FNBP1L: variants seen among roughly 807,000 people sequenced by gnomAD.
FNBP1L encodes formin-binding protein 1-like.
A neutral mutation model predicts 91.2 loss-of-function variants in FNBP1L; 36 were observed. The ratio of observed to expected loss-of-function variants is 0.39; its 90% CI spans 0.30 to 0.52. The LOEUF (loss-of-function observed/expected upper bound fraction) is 0.52, where lower values mean the gene tolerates loss of function less well. Among genes scored for constraint, FNBP1L ranks in the 20% least tolerant of loss-of-function variants. The pLI is 0.66. For synonymous variants in FNBP1L, 242 were observed against 237.0 expected (o/e 1.02, Z -0.19); for missense variants, 571 against 732.1 (o/e 0.78, Z 2.54).
At chr1:93,513,416 T>C (rs1670937472) in intron 2 of FNBP1L, among the ~76,000 whole-genome samples, 1 of 152,020 alleles carries the variant, frequency 6.6e-6, no homozygotes, top group South Asian at 2.1e-4. Context: ...CTAACTCATT[T>C]TATGAGGCCA....
At chr1:93,505,948 A>T in intron 2 of FNBP1L, among the ~76,000 whole-genome samples, 1 of 152,148 alleles carries the variant, frequency 6.6e-6, no homozygotes, top group Non-Finnish European at 1.5e-5. Context: ...AAGTGCTGGG[A>T]TTACAGGCGT....
chr1:93,529,768 TCCAAA>T lies in FNBP1L; in HGVS notation c.510+17_510+21del, dbSNP rs1409071227. On this transcript the variant is annotated intron_variant, in intron 6 of 16. Coordinates refer to ENST00000271234, the MANE Select transcript of FNBP1L (RefSeq NM_001164473.3). ...CAGATGTTGAAAAGGTAAGAAATAC[TCCAAA>T]CCAACTTTAATGTCAAAATATTATT... The T allele has an allele frequency of 3.2e-5, 45 of 1,406,100 alleles. No homozygotes were observed. The highest frequency in any genetic ancestry group is 5.4e-5 in the Admixed American group (2 of 37,074). 87.1% of individuals were successfully genotyped at this position (1,406,100 alleles called of 1,614,324 possible).
chr1:93,459,376 T>A (rs1668783387), intron 1 of FNBP1L, among the ~76,000 whole-genome samples: 1 of 152,030 alleles, frequency 6.6e-6, no homozygotes, highest in Non-Finnish European at 1.5e-5. Context: ...CTCAGACAAC[T>A]CTAGCAAGAA....
At chr1:93,541,279 G>T (rs898488898) in intron 11 of FNBP1L, among the ~76,000 whole-genome samples, 1 of 152,274 alleles carries the variant, frequency 6.6e-6, no homozygotes, top group Non-Finnish European at 1.5e-5. Context: ...AAATGTCATT[G>T]AATGGAGTCC....
chr1:93,545,396 A>AT (rs901887215), intron 12 of FNBP1L, among the ~76,000 whole-genome samples: 1 of 152,130 alleles, frequency 6.6e-6, no homozygotes, highest in Non-Finnish European at 1.5e-5. Context: ...ATTTTCCCAG[A>AT]TATCTCCATG....
At chr1:93,538,421 C>T (rs952463368) in intron 10 of FNBP1L, among the ~76,000 whole-genome samples, 1 of 151,730 alleles carries the variant, frequency 6.6e-6, no homozygotes, top group Non-Finnish European at 1.5e-5. Context: ...GCTGAAATCC[C>T]CTCCCAGATT....
chr1:93,472,531 G>A (rs527887077), intron 1 of FNBP1L, among the ~76,000 whole-genome samples: 6 of 151,740 alleles, frequency 4.0e-5, no homozygotes, highest in East Asian at 3.9e-4. Context: ...AAAAATCCTC[G>A]GCCGGGCGTG....
intron 2 of FNBP1L, among the ~76,000 whole-genome samples, chr1:93,502,899 A>T (rs1327394401): frequency 1.3e-5 from 2 of 152,208 alleles, no homozygotes; most frequent in African/African-American, 4.8e-5. Context: ...TTGGATGACT[A>T]CTTAGTAAAT....
intron 6 of FNBP1L, among the ~76,000 whole-genome samples, chr1:93,530,260 A>C (rs996337255): frequency 2.6e-5 from 4 of 152,168 alleles, no homozygotes; most frequent in African/African-American, 9.6e-5. Flanking sequence ...TGCATTATTC[A>C]ACAATCATAT....
chr1:93,483,864 G>C (rs1042076462), intron 1 of FNBP1L, among the ~76,000 whole-genome samples: 2 of 152,110 alleles, frequency 1.3e-5, no homozygotes, highest in Non-Finnish European at 2.9e-5. Context: ...TCAACACAAG[G>C]GAACAAAGCT....
intron 6 of FNBP1L, among the ~76,000 whole-genome samples, chr1:93,530,393 T>C (rs1671634115): frequency 6.6e-6 from 1 of 152,156 alleles, no homozygotes. Context: ...TGTTTTTCTC[T>C]TCTGATTAAA....
At chr1:93,453,886 A>G (rs1179793169) in intron 1 of FNBP1L, among the ~76,000 whole-genome samples, 1 of 152,238 alleles carries the variant, frequency 6.6e-6, no homozygotes, top group Non-Finnish European at 1.5e-5. Context: ...ATACTAAAAG[A>G]ATCAATTAGA....
chr1:93,504,240 C>G (rs187994207), intron 2 of FNBP1L, among the ~76,000 whole-genome samples: 2 of 152,282 alleles, frequency 1.3e-5, no homozygotes, highest in Admixed American at 6.5e-5. Context: ...TAGCAGCTTT[C>G]TATTAATACT....
At chr1:93,467,441 T>A (rs1044204934) in intron 1 of FNBP1L, among the ~76,000 whole-genome samples, 2 of 152,026 alleles carry the variant, frequency 1.3e-5, no homozygotes, top group South Asian at 4.2e-4. Context: ...TAGTCAAAAT[T>A]GGAAAGAAGG....
chr1:93,504,915 G>A (rs541811239), intron 2 of FNBP1L, among the ~76,000 whole-genome samples: 234 of 152,050 alleles, frequency 1.5e-3, no homozygotes, highest in African/African-American at 5.5e-3. Context: ...GTCCTTCTAT[G>A]CATTGAAGTT....
intron 15 of FNBP1L, 26 bp downstream of exon 15, chr1:93,549,452 T>C: frequency 1.3e-6 from 2 of 1,506,440 alleles, no homozygotes; most frequent in Middle Eastern, 1.8e-4. Flanking sequence ...TAATATTGTA[T>C]GTAAAAAAAT....
rs144778400 is a variant in FNBP1L at position 93,529,583 on chromosome 1, A to G, written c.406-69A>G. ...TTAGTTATTTCTCCTAATGCTCTCT[A>G]AAGTTATTTCTTAAATGAAGTTAGC... On this transcript the variant is annotated intron_variant, in intron 5 of 16. Transcript: ENST00000271234. 587 of 972,460 alleles carry G rather than the reference A, an allele frequency of 6.0e-4. No individual in the cohort carries two copies. The African/African-American group carries it at 9.0e-3, about 15-fold the overall frequency. The allele number at this position is 972,460 out of a possible 1,614,324, so 60.2% of individuals were successfully genotyped here. A position where few individuals can be genotyped will look rare whatever the true frequency, so the allele number is the denominator to read the frequency against.
intron 1 of FNBP1L, among the ~76,000 whole-genome samples, chr1:93,486,592 A>G (rs1002167875): frequency 2.0e-5 from 3 of 152,214 alleles, no homozygotes; most frequent in Admixed American, 2.0e-4. Flanking sequence ...GGTAACTGAT[A>G]ATAATAATTC....
chr1:93,448,567 C>G (rs1210323644), intron 1 of FNBP1L, among the ~76,000 whole-genome samples: 2 of 152,120 alleles, frequency 1.3e-5, no homozygotes, highest in African/African-American at 4.8e-5. Context: ...GGGGAGCAGC[C>G]CGCGGGCTCC....
Sources: allele counts gnomAD v4.1 joint callset (sites outside exome capture counted in the v4.1 genomes callset), GRCh38; gene constraint gnomAD v4.1.1; transcripts MANE v1.5; gene names NCBI Gene and HGNC (gene_info 2026-07-23, HGNC 2026-07-21).